Variants in HGF observed in about 807,000 individuals in gnomAD.
HGF encodes fibroblast-derived tumor cytotoxic factor.
In HGF, 39 loss-of-function variants were observed where a neutral mutation model predicts 111.6. That is an observed-to-expected ratio of 0.35 (90% CI 0.27 to 0.46). HGF has a LOEUF of 0.46. Ranked by LOEUF, HGF falls within the 20% of genes least tolerant of loss-of-function variation. HGF has a pLI of 1.00. For missense variants in HGF, 735 were observed against 910.5 expected, an observed-to-expected ratio of 0.81 and a Z score of 2.48; for synonymous variants, 285 against 294.8, an observed-to-expected ratio of 0.97 and a Z score of 0.34.
chr7:81,756,704 G>C (rs1432882560), intron 4 of HGF: 1 of 161,602 alleles, frequency 6.2e-6, no homozygotes, highest in Non-Finnish European at 1.4e-5. Flanking sequence ...TCTCCCCAGA[G>C]ATTCTGATTT....
At position 81,716,287 on chromosome 7, in the gene HGF, G is replaced by A. The variant is rs559545370; in HGVS notation, c.1405+945C>T. ...CATCTACCCCAAAATGTGGGTGTGC[G>A]GAGGCCCAAAAATCCTGATCTATGT... is the stretch of plus-strand genomic sequence containing the variant. On this transcript the variant is annotated intron_variant, in intron 11 of 17. Coordinates refer to ENST00000222390, the MANE Select transcript of HGF (RefSeq NM_000601.6). 3.0e-4 allele frequency among the ~76,000 whole-genome samples: 45 copies of A among 152,162 alleles called. No homozygotes were observed. The South Asian group carries it at 8.1e-3, about 27-fold the overall frequency.
chr7:81,710,800 G>A (rs940576404), intron 12 of HGF, among the ~76,000 whole-genome samples: 5 of 151,926 alleles, frequency 3.3e-5, no homozygotes, highest in African/African-American at 1.2e-4. Flanking sequence ...AAAATTTATT[G>A]GAGTAAATGT....
chr7:81,711,154 A>G (rs1452260923), intron 12 of HGF, among the ~76,000 whole-genome samples: 1 of 152,162 alleles, frequency 6.6e-6, no homozygotes, highest in East Asian at 1.9e-4. Context: ...TCCTAATTTT[A>G]TTAAATCATG....
chr7:81,727,832 G>A (rs1790060175), intron 8 of HGF, among the ~76,000 whole-genome samples: 1 of 152,112 alleles, frequency 6.6e-6, no homozygotes, highest in Non-Finnish European at 1.5e-5. Context: ...TTTAACATCT[G>A]TATTAGAAGC....
At chr7:81,719,790 T>C (rs1362174844) in intron 10 of HGF, among the ~76,000 whole-genome samples, 1 of 152,134 alleles carries the variant, frequency 6.6e-6, no homozygotes, top group Non-Finnish European at 1.5e-5. Context: ...TATAATCCAC[T>C]ATTGAGTACA....
intron 8 of HGF, among the ~76,000 whole-genome samples, chr7:81,728,985 G>T (rs1229766545): frequency 6.6e-6 from 1 of 152,146 alleles, no homozygotes; most frequent in Non-Finnish European, 1.5e-5. Context: ...GGTGTGAAAA[G>T]TACCCATAGA....
rs967428555 is a variant in HGF at position 81,702,462 on chromosome 7, A to G, written c.*119T>C. 59 of 785,914 alleles carry G rather than the reference A, an allele frequency of 7.5e-5. No individual in the cohort carries two copies. The highest frequency in any genetic ancestry group is 1.3e-4 in the East Asian group (5 of 39,732). 48.7% of individuals were successfully genotyped at this position (785,914 alleles called of 1,614,324 possible). A position where few individuals can be genotyped will look rare whatever the true frequency, so the allele number is the denominator to read the frequency against. The stretch of plus-strand genomic sequence containing the variant: ...AACATTAATGAGAATTTCAACAAAC[A>G]TGACTCTCCAGTAGTTGTCTTAGGA... On this transcript the variant is annotated 3_prime_UTR_variant, in exon 18 of 18. Coordinates refer to ENST00000222390, the MANE Select transcript of HGF (RefSeq NM_000601.6).
At position 81,705,654 on chromosome 7, in the gene HGF, G is replaced by A. The variant is rs200374420; in HGVS notation, c.1857C>T (p.Tyr619=). Residue 619 remains tyrosine, a synonymous_variant, in exon 16 of 18, where the codon TAC becomes TAT. Coordinates refer to ENST00000222390, the MANE Select transcript of HGF (RefSeq NM_000601.6). ...KTSCSVYGWG[Y]TGLINYDGLL... ...TTTTGAAAACTAGCTTACATCCAGT[G>A]TAGCCCCAGCCATAAACACTGCAAC... 1 of 1,608,242 alleles carries A rather than the reference G, an allele frequency of 6.2e-7. No individual in the cohort carries two copies. Among genetic ancestry groups the A allele is most frequent in the Non-Finnish European group, 8.5e-7 (1 of 1,175,080 alleles).
chr7:81,768,986 G>A (rs190934880), intron 1 of HGF, among the ~76,000 whole-genome samples: 2 of 151,912 alleles, frequency 1.3e-5, no homozygotes, highest in Non-Finnish European at 2.9e-5. Flanking sequence ...TTTTTATATT[G>A]TAAAAAGGCC....
chr7:81,766,881 A>G lies in HGF; in HGVS notation c.88+3003T>C, dbSNP rs538200057. Among the ~76,000 whole-genome samples the G allele has an allele frequency of 1.1e-3, 162 of 152,308 alleles. 1 individual carries two copies. Among genetic ancestry groups the G allele is most frequent in the Middle Eastern group, 3.4e-3 (1 of 294 alleles). ...TGCTCGCATGACATTCATTTTAAAG[A>G]CCACATGGTTGAGCATGACCTTCAA... is the stretch of plus-strand genomic sequence containing the variant. On this transcript the variant is annotated intron_variant, in intron 1 of 17. Transcript: ENST00000222390.
At position 81,758,347 on chromosome 7, in the gene HGF, A is replaced by G. The variant is rs115019947; in HGVS notation, c.367+345T>C. 7.5e-4 allele frequency among the ~76,000 whole-genome samples: 114 copies of G among 152,226 alleles called. 1 individual carries two copies. The highest frequency in any genetic ancestry group is 2.6e-3 in the African/African-American group (108 of 41,572). ...CTATAGCAAACTCAGAATTTGCTGT[A>G]ATATAAAGTGTTTTAAACTTTATAA... On this transcript the variant is annotated intron_variant, in intron 3 of 17. Transcript: ENST00000222390.
At chr7:81,750,197 T>A (rs1006489222) in intron 5 of HGF, among the ~76,000 whole-genome samples, 2 of 152,214 alleles carry the variant, frequency 1.3e-5, no homozygotes, top group African/African-American at 4.8e-5. Context: ...TTGACAATGC[T>A]TCTTATTTTG....
At chr7:81,731,061 A>T (rs1787637750) in intron 7 of HGF, among the ~76,000 whole-genome samples, 1 of 152,184 alleles carries the variant, frequency 6.6e-6, no homozygotes, top group African/African-American at 2.4e-5. Context: ...TCTCTCATAC[A>T]AACCATTTCT....
In HGF at chr7:81,708,566, G is replaced by A. The variant is rs536873331; in HGVS notation, c.1542-1202C>T. On this transcript the variant is annotated intron_variant, in intron 13 of 17. Coordinates refer to ENST00000222390, the MANE Select transcript of HGF (RefSeq NM_000601.6). ...TTTTTTTTTTTTGAGACAGAGTCTC[G>A]CTCAGTAGCTGGGATTACAGGCATG... is the stretch of plus-strand genomic sequence containing the variant. Among the ~76,000 whole-genome samples the A allele has an allele frequency of 8.9e-5, 9 of 101,446 alleles. No individual in the cohort carries two copies. In the South Asian group the frequency reaches 1.0e-3, roughly 11 times the overall value. The allele number at this position is 101,446 out of a possible 152,430, so 66.6% of individuals were successfully genotyped here.
chr7:81,722,944 G>T (rs1789911313), intron 9 of HGF, among the ~76,000 whole-genome samples: 1 of 150,640 alleles, frequency 6.6e-6, no homozygotes, highest in South Asian at 2.1e-4. Flanking sequence ...TTTTTAAAGT[G>T]ACTTTTTATA....
chr7:81,768,588 C>T (rs1161617077), intron 1 of HGF, among the ~76,000 whole-genome samples: 2 of 152,130 alleles, frequency 1.3e-5, no homozygotes, highest in Non-Finnish European at 2.9e-5. Flanking sequence ...ACCTTGTTAG[C>T]TAGGATGGTC....
At chr7:81,751,812 T>G (rs1253102306) in intron 5 of HGF, 1 of 1,187,630 alleles carries the variant, frequency 8.4e-7, no homozygotes, top group Non-Finnish European at 1.1e-6. Flanking sequence ...CACACAGTAG[T>G]AGATTTTGAG....
In HGF at chr7:81,717,401, C is replaced by T. The variant is rs772807534; in HGVS notation, c.1272-36G>A. ...AACAGGCCTTGCACATCACAAGATG[C>T]TCATTCCATCCAAGAGACACAAAAT... is the stretch of plus-strand genomic sequence containing the variant. On this transcript the variant is annotated intron_variant, in intron 10 of 17. Coordinates refer to ENST00000222390, the MANE Select transcript of HGF (RefSeq NM_000601.6). The T allele has an allele frequency of 2.5e-6, 4 of 1,595,118 alleles. No homozygotes were observed. The African/African-American group carries it at 4.0e-5, about 16-fold the overall frequency.
rs1340732839 is a variant in HGF, at chr7:81,725,943, A to G, written c.1115T>C (p.Ile372Thr). Residue 372 changes from isoleucine to threonine, a missense_variant, in exon 9 of 18, where the codon ATC (isoleucine) becomes ACC (threonine). By Grantham distance (89) the Ile-to-Thr change is moderately conservative (BLOSUM62 -1). Around this residue, in one of 3 missense-constraint regions of HGF, gnomAD observed 553 missense variants for 685.6 expected, o/e 0.81. Transcript: ENST00000222390. ...SPWCFTTDPNIRVGYCSQIPN... is the reference protein window; with the variant it reads ...SPWCFTTDPNTRVGYCSQIPN... ...AATTTGGGAGCAGTAGCCAACTCGG[A>G]TGTTTGGATCAGTGGTAAAACACCA... 1 of 1,613,884 alleles carries G rather than the reference A, an allele frequency of 6.2e-7. No individual in the cohort carries two copies. The highest frequency in any genetic ancestry group is 1.3e-5 in the African/African-American group (1 of 74,896).
Sources: allele counts gnomAD v4.1 joint callset (sites outside exome capture counted in the v4.1 genomes callset), GRCh38; gene constraint gnomAD v4.1.1; regional missense constraint gnomAD v4.1.1; transcripts MANE v1.5; gene names NCBI Gene and HGNC (gene_info 2026-07-23, HGNC 2026-07-21).